Variants in FSTL5 observed in about 807,000 individuals in gnomAD.
The protein encoded by FSTL5 is follistatin like 5, also known as follistatin-related protein 5.
FSTL5 carries 62 observed loss-of-function variants against 89.1 expected under a neutral mutation model. The observed-to-expected ratio is 0.70, with a 90% CI of 0.57 to 0.86. FSTL5 has a LOEUF of 0.86. Among genes scored for constraint, FSTL5 ranks in the 40% least tolerant of loss-of-function variants. The pLI is 0.00. For synonymous variants in FSTL5, 383 were observed against 346.2 expected (o/e 1.11, Z -1.18); for missense variants, 1,057 against 1,001.6 (o/e 1.06, Z -0.75).
chr4:161,436,276 A>T (rs527720538), intron 15 of FSTL5, among the ~76,000 whole-genome samples: 1 of 152,196 alleles, frequency 6.6e-6, no homozygotes, highest in South Asian at 2.1e-4. Flanking sequence ...AAATCTAAAC[A>T]CGTTTTTCTT....
intron 6 of FSTL5, among the ~76,000 whole-genome samples, chr4:161,674,628 A>G (rs1187500803): frequency 6.6e-6 from 1 of 152,190 alleles, no homozygotes; most frequent in African/African-American, 2.4e-5. Flanking sequence ...TCATATGGCT[A>G]TGTCACACTG....
At chr4:161,745,003 C>T (rs973088777) in intron 6 of FSTL5, among the ~76,000 whole-genome samples, 25 of 148,310 alleles carry the variant, frequency 1.7e-4, no homozygotes, top group African/African-American at 6.2e-4. Context: ...GATCCAGAAG[C>T]AAAAGTGAGT....
intron 3 of FSTL5, among the ~76,000 whole-genome samples, chr4:161,970,560 C>T (rs1266463570): frequency 6.6e-6 from 1 of 151,974 alleles, no homozygotes; most frequent in East Asian, 1.9e-4. Flanking sequence ...TTTCAAGAAT[C>T]GGTTGTCCAG....
chr4:161,577,058 C>A (rs1266463169), intron 8 of FSTL5, among the ~76,000 whole-genome samples: 3 of 152,118 alleles, frequency 2.0e-5, no homozygotes, highest in Non-Finnish European at 4.4e-5. Context: ...CTTAGGACAG[C>A]CAAAAATAAC....
intron 13 of FSTL5, among the ~76,000 whole-genome samples, chr4:161,477,064 G>A (rs1734175987): frequency 1.3e-5 from 2 of 151,974 alleles, no homozygotes; most frequent in Admixed American, 6.6e-5. Context: ...TTTCCATGTT[G>A]TTTCCATTTA....
At position 161,384,151 on chromosome 4, in the gene FSTL5, C is replaced by T. The variant is rs1385747570; in HGVS notation, c.*1596G>A. The T allele has an allele frequency of 1.3e-5, 2 of 152,126 alleles. No individual in the cohort carries two copies. The highest frequency in any genetic ancestry group is 2.9e-5 in the Non-Finnish European group (2 of 68,004). 9.4% of individuals were successfully genotyped at this position (152,126 alleles called of 1,614,324 possible). A position where few individuals can be genotyped will look rare whatever the true frequency, so the allele number is the denominator to read the frequency against. On this transcript the variant is annotated 3_prime_UTR_variant, in exon 16 of 16. Coordinates refer to ENST00000306100, the MANE Select transcript of FSTL5 (RefSeq NM_020116.5). ...CATGTTTCTGCTAAGAAGAAATCTACTGTATCACACAGCTCAGGATGCTAT... is the reference window on the plus strand; with the variant it reads ...CATGTTTCTGCTAAGAAGAAATCTATTGTATCACACAGCTCAGGATGCTAT...
chr4:161,982,149 C>CA (rs1377273160), intron 3 of FSTL5, among the ~76,000 whole-genome samples: 8 of 152,120 alleles, frequency 5.3e-5, no homozygotes, highest in Non-Finnish European at 8.8e-5. Flanking sequence ...AAGTATGACC[C>CA]ATGGCTTCAT....
intron 15 of FSTL5, among the ~76,000 whole-genome samples, chr4:161,446,207 C>T (rs1578980547): frequency 6.6e-6 from 1 of 151,958 alleles, no homozygotes; most frequent in East Asian, 1.9e-4. Context: ...TGCACAGCCA[C>T]CATCACTAAT....
chr4:161,448,884 T>C (rs1248065497), intron 15 of FSTL5, among the ~76,000 whole-genome samples: 1 of 152,126 alleles, frequency 6.6e-6, no homozygotes, highest in Non-Finnish European at 1.5e-5. Flanking sequence ...AACACTGAGG[T>C]CCACTTCATT....
chr4:161,648,887 T>A (rs918675120), intron 7 of FSTL5, among the ~76,000 whole-genome samples: 1 of 152,192 alleles, frequency 6.6e-6, no homozygotes, highest in African/African-American at 2.4e-5. Flanking sequence ...GGCTCCTGAA[T>A]GTGTACATAA....
chr4:161,639,811 A>G (rs935957355), intron 7 of FSTL5, among the ~76,000 whole-genome samples: 1 of 152,046 alleles, frequency 6.6e-6, no homozygotes, highest in Non-Finnish European at 1.5e-5. Flanking sequence ...AATATTGGGG[A>G]TTTGTACTCT....
At chr4:162,006,002 C>G in intron 3 of FSTL5, among the ~76,000 whole-genome samples, 1 of 152,018 alleles carries the variant, frequency 6.6e-6, no homozygotes, top group Non-Finnish European at 1.5e-5. Context: ...ATACTACCTC[C>G]CATCTCCCCT....
chr4:161,979,500 A>G (rs1400279543), intron 3 of FSTL5, among the ~76,000 whole-genome samples: 4 of 152,000 alleles, frequency 2.6e-5, no homozygotes, highest in African/African-American at 9.7e-5. Context: ...TGTCTTAAAA[A>G]CAAAATCTTC....
At chr4:161,942,111 C>G (rs1407424573) in intron 3 of FSTL5, among the ~76,000 whole-genome samples, 1 of 151,628 alleles carries the variant, frequency 6.6e-6, no homozygotes, top group Non-Finnish European at 1.5e-5. Flanking sequence ...GCATAACATG[C>G]TGAATTTTAT....
At chr4:162,092,903 C>A (rs1225254214) in intron 2 of FSTL5, among the ~76,000 whole-genome samples, 2 of 127,968 alleles carry the variant, frequency 1.6e-5, no homozygotes, top group Non-Finnish European at 3.1e-5. Flanking sequence ...GAGCCGAGAT[C>A]ACACCACTGC....
intron 1 of FSTL5, among the ~76,000 whole-genome samples, chr4:162,143,010 C>T (rs966407542): frequency 1.3e-5 from 2 of 152,070 alleles, no homozygotes; most frequent in South Asian, 2.1e-4. Context: ...TCAACTACTT[C>T]GTTCTTGGGA....
chr4:161,423,610 T>C (rs1161701394), intron 15 of FSTL5, among the ~76,000 whole-genome samples: 1 of 152,114 alleles, frequency 6.6e-6, no homozygotes, highest in Non-Finnish European at 1.5e-5. Flanking sequence ...AGGCCTACTA[T>C]ATTTTTCATT....
intron 2 of FSTL5, among the ~76,000 whole-genome samples, chr4:162,086,129 A>G (rs527930899): frequency 2.0e-5 from 3 of 152,084 alleles, no homozygotes; most frequent in South Asian, 2.1e-4. Flanking sequence ...GTGTTTTTTA[A>G]TCAGCCATTA....
At chr4:161,605,293 T>C in intron 7 of FSTL5, among the ~76,000 whole-genome samples, 1 of 152,212 alleles carries the variant, frequency 6.6e-6, no homozygotes, top group East Asian at 1.9e-4. Context: ...CCATAGCACA[T>C]AGCCTTCCAC....
Sources: gnomAD v4.1 joint callset for allele counts (sites outside exome capture counted in the v4.1 genomes callset) on GRCh38, gnomAD v4.1.1 for gene constraint, MANE v1.5 for transcripts, NCBI Gene and HGNC (gene_info 2026-07-23, HGNC 2026-07-21) for gene names.